The following PDZD8 variants were observed in gnomAD, a reference collection of about 807,000 sequenced individuals.
PDZD8 encodes PDZ domain containing 8.
Under a neutral mutation model 85.8 loss-of-function variants are expected in PDZD8, and 14 were observed. That is an observed-to-expected ratio of 0.16 (90% CI 0.11 to 0.26). The LOEUF (loss-of-function observed/expected upper bound fraction) is 0.26. Ranked by LOEUF, PDZD8 falls within the 10% of genes least tolerant of loss-of-function variation. PDZD8 has a pLI of 1.00. For synonymous variants in PDZD8, 592 were observed against 568.6 expected (o/e 1.04, Z -0.59); for missense variants, 1,197 against 1,424.3 (o/e 0.84, Z 2.57).
chr10:117,350,756 T>C (rs1211808337), intron 1 of PDZD8, among the ~76,000 whole-genome samples: 1 of 151,436 alleles, frequency 6.6e-6, no homozygotes, highest in Non-Finnish European at 1.5e-5. Flanking sequence ...ACAAAAAAAT[T>C]AGCTGGGTGT....
rs1009262832 is a variant in PDZD8, at chr10:117,374,205, C to T, written c.872+151G>A. ...TCGGAAGCAAAGCAAGTGTTCACGACTCGCCTTGATCTGGGGCCCTGTCCA... is the reference window on the plus strand; with the variant it reads ...TCGGAAGCAAAGCAAGTGTTCACGATTCGCCTTGATCTGGGGCCCTGTCCA... On this transcript the variant is annotated intron_variant, in intron 1 of 4. Coordinates refer to ENST00000334464, the MANE Select transcript of PDZD8 (RefSeq NM_173791.5). This position sits in a 1 kb window ranked among gnomAD's most constrained non-coding sequence, Gnocchi z 7.8. 2 of 1,255,854 alleles carry T rather than the reference C, an allele frequency of 1.6e-6. No homozygotes were observed. Among genetic ancestry groups the T allele is most frequent in the East Asian group, 4.9e-5 (2 of 41,102 alleles). 77.8% of individuals were successfully genotyped at this position (1,255,854 alleles called of 1,614,324 possible). A position where few individuals can be genotyped will look rare whatever the true frequency, so the allele number is the denominator to read the frequency against.
intron 3 of PDZD8, among the ~76,000 whole-genome samples, chr10:117,301,354 T>C (rs1348953671): frequency 1.3e-5 from 2 of 152,178 alleles, no homozygotes; most frequent in African/African-American, 4.8e-5. Flanking sequence ...CACTTGGCAA[T>C]TGAATTCTGA....
At chr10:117,306,592 C>CT in intron 3 of PDZD8, among the ~76,000 whole-genome samples, 1 of 152,098 alleles carries the variant, frequency 6.6e-6, no homozygotes, top group Non-Finnish European at 1.5e-5. Context: ...TAGTATCACT[C>CT]TACTTCTGCA....
At chr10:117,357,270 C>A (rs1181299559) in intron 1 of PDZD8, among the ~76,000 whole-genome samples, 2 of 152,054 alleles carry the variant, frequency 1.3e-5, no homozygotes, top group Non-Finnish European at 2.9e-5. Context: ...TGGCATGCAC[C>A]TGTAGTCTCA....
In PDZD8 at chr10:117,300,484, C is replaced by T. The variant is rs112657639; in HGVS notation, c.1099-10136G>A. On this transcript the variant is annotated intron_variant, in intron 3 of 4. Transcript: ENST00000334464. Reference sequence around the variant, plus strand: ...ACCATTCTATAATGTAGCATCCAAACATTTCTGTCACAAAGCCTCTTAAGT... The same window carrying T: ...ACCATTCTATAATGTAGCATCCAAATATTTCTGTCACAAAGCCTCTTAAGT... Among the ~76,000 whole-genome samples, 587 of 152,296 alleles carry T rather than the reference C, an allele frequency of 3.9e-3. 4 individuals are homozygous for T. The highest frequency in any genetic ancestry group is 0.013 in the African/African-American group (557 of 41,566).
intron 3 of PDZD8, among the ~76,000 whole-genome samples, chr10:117,300,327 T>C (rs985531117): frequency 1.3e-5 from 2 of 152,206 alleles, no homozygotes; most frequent in Non-Finnish European, 2.9e-5. Context: ...GACTAATAAG[T>C]ACAGAGACTC....
intron 3 of PDZD8, among the ~76,000 whole-genome samples, chr10:117,315,610 A>C (rs942899691): frequency 1.1e-4 from 15 of 139,820 alleles, no homozygotes; most frequent in Non-Finnish European, 2.2e-4. Context: ...AAAAAAAAAA[A>C]AACAATAATC....
At chr10:117,291,923 C>A (rs191876812) in intron 3 of PDZD8, among the ~76,000 whole-genome samples, 4 of 151,444 alleles carry the variant, frequency 2.6e-5, no homozygotes, top group South Asian at 2.1e-4. Flanking sequence ...GTGTTTATGG[C>A]GCTCAATTAC....
At chr10:117,329,279 C>T (rs1374303340) in intron 2 of PDZD8, among the ~76,000 whole-genome samples, 1 of 152,058 alleles carries the variant, frequency 6.6e-6, no homozygotes, top group Non-Finnish European at 1.5e-5. Context: ...AAAGAAATTG[C>T]CTTTTATCTC....
At chr10:117,341,410 G>A (rs1345903395) in intron 1 of PDZD8, among the ~76,000 whole-genome samples, 2 of 152,202 alleles carry the variant, frequency 1.3e-5, no homozygotes, top group Admixed American at 1.3e-4. Flanking sequence ...CTGTGAACCA[G>A]ATGGGAAGAG....
chr10:117,305,471 T>TACACACACACACACACACAC (rs57037106), intron 3 of PDZD8, among the ~76,000 whole-genome samples: 11 of 141,844 alleles, frequency 7.8e-5, no homozygotes, highest in East Asian at 6.3e-4. Context: ...TACACACACA[T>TACACACACACACACACACAC]ACACACACAC....
At chr10:117,368,449 A>C (rs974161307) in intron 1 of PDZD8, among the ~76,000 whole-genome samples, 3 of 152,228 alleles carry the variant, frequency 2.0e-5, no homozygotes, top group Non-Finnish European at 2.9e-5. Flanking sequence ...TATAACCATC[A>C]AGGAATTTTA....
At chr10:117,352,762 T>C (rs545892962) in intron 1 of PDZD8, among the ~76,000 whole-genome samples, 46 of 152,254 alleles carry the variant, frequency 3.0e-4, no homozygotes, top group Non-Finnish European at 5.9e-4. Flanking sequence ...CATGGTGGCA[T>C]TGTCATAGAG....
chr10:117,344,332 A>C (rs1844666677), intron 1 of PDZD8, among the ~76,000 whole-genome samples: 1 of 152,142 alleles, frequency 6.6e-6, no homozygotes, highest in Non-Finnish European at 1.5e-5. Context: ...TGGTGTTTGA[A>C]CCCTGTTTCC....
intron 1 of PDZD8, among the ~76,000 whole-genome samples, chr10:117,343,491 A>G (rs1844651945): frequency 6.6e-6 from 1 of 152,200 alleles, no homozygotes; most frequent in Non-Finnish European, 1.5e-5. Flanking sequence ...GGTGCTTTTA[A>G]CACACAGTCC....
intron 3 of PDZD8, among the ~76,000 whole-genome samples, chr10:117,318,284 C>T (rs1434342464): frequency 2.6e-5 from 4 of 152,182 alleles, no homozygotes; most frequent in African/African-American, 9.7e-5. Flanking sequence ...ATTCCTCTGT[C>T]ATATGCCTAT....
rs940764150 is a variant in PDZD8 at position 117,279,447 on chromosome 10, A to G, written c.*3821T>C. 2 of 152,190 alleles carry G rather than the reference A, an allele frequency of 1.3e-5. No individual in the cohort carries two copies. The highest frequency in any genetic ancestry group is 4.8e-5 in the African/African-American group (2 of 41,450). The allele number at this position is 152,190 out of a possible 1,614,324, so 9.4% of individuals were successfully genotyped here. On this transcript the variant is annotated 3_prime_UTR_variant, in exon 5 of 5. Transcript: ENST00000334464. ...TGAACCATGTTTTGTGCCTGTTTGT[A>G]TTCCTTTATAAACCAAATGTTGTTG...
chr10:117,375,097 C>CCCTCGCCCGCGCGGGCGG lies in PDZD8; in HGVS notation c.113_130dup (p.Ala38_Glu43dup). ...CGGCACTGGCTTGATGTAGCGGAAG[C>CCCTCGCCCGCGCGGGCGG]CCTCGCCCGCGCGGGCGGCCTCGTC... is the stretch of plus-strand genomic sequence containing the variant. On this transcript the variant is annotated inframe_insertion, in exon 1 of 5. Transcript: ENST00000334464. The CCCTCGCCCGCGCGGGCGG allele has an allele frequency of 2.5e-6, 4 of 1,596,940 alleles. No individual in the cohort carries two copies. Among genetic ancestry groups the CCCTCGCCCGCGCGGGCGG allele is most frequent in the Non-Finnish European group, 3.4e-6 (4 of 1,176,390 alleles).
chr10:117,334,127 C>A (rs1844475868), intron 2 of PDZD8, among the ~76,000 whole-genome samples: 2 of 152,160 alleles, frequency 1.3e-5, no homozygotes, highest in Admixed American at 6.5e-5. Context: ...CATTTAAAGA[C>A]AATGAAAACC....
Sources: allele counts gnomAD v4.1 joint callset (sites outside exome capture counted in the v4.1 genomes callset), GRCh38; gene constraint gnomAD v4.1.1; non-coding constraint Gnocchi (gnomAD v3.1); transcripts MANE v1.5; gene names NCBI Gene and HGNC (gene_info 2026-07-23, HGNC 2026-07-21).